The following SV2C variants were observed in gnomAD, a reference collection of about 807,000 sequenced individuals.
The protein encoded by SV2C is solute carrier family 22 member B3.
Under a neutral mutation model 79.7 loss-of-function variants are expected in SV2C, and 49 were observed. The ratio of observed to expected loss-of-function variants is 0.61; its 90% CI spans 0.49 to 0.78. SV2C has a LOEUF of 0.78. Among genes scored for constraint, SV2C ranks in the 30% least tolerant of loss-of-function variants. The probability of loss-of-function intolerance (pLI) is 0.00; values close to 1 mark genes in which losing one functional copy is unlikely to be tolerated. For missense variants in SV2C, 833 were observed against 912.9 expected, an observed-to-expected ratio of 0.91 and a Z score of 1.13; for synonymous variants, 334 against 333.2, an observed-to-expected ratio of 1.00 and a Z score of -0.03.
At chr5:76,137,518 A>T (rs1749107259) in intron 2 of SV2C, among the ~76,000 whole-genome samples, 1 of 152,138 alleles carries the variant, frequency 6.6e-6, no homozygotes, top group African/African-American at 2.4e-5. Flanking sequence ...AGAATGGCAG[A>T]TGTGAGATTC....
intron 1 of SV2C, among the ~76,000 whole-genome samples, chr5:76,099,941 C>G (rs1482758519): frequency 6.6e-6 from 1 of 152,166 alleles, no homozygotes; most frequent in Non-Finnish European, 1.5e-5. Flanking sequence ...GATGTAAATT[C>G]TGGCTCTTAT....
At chr5:76,245,910 G>A (rs911357064) in intron 4 of SV2C, among the ~76,000 whole-genome samples, 5 of 87,048 alleles carry the variant, frequency 5.7e-5, no homozygotes, top group Admixed American at 5.7e-4. Context: ...TGAGGCAGGG[G>A]AGTGTGTGTG....
intron 1 of SV2C, among the ~76,000 whole-genome samples, chr5:76,117,962 T>A (rs1748333710): frequency 6.6e-6 from 1 of 152,220 alleles, no homozygotes; most frequent in Non-Finnish European, 1.5e-5. Flanking sequence ...ACAACATATA[T>A]GACCAAAGAG....
chr5:76,048,987 G>GAA, the SV2C span, among the ~76,000 whole-genome samples: 7 of 80,196 alleles, frequency 8.7e-5, no homozygotes, highest in South Asian at 1.6e-3. Flanking sequence ...AAGAAAGAAA[G>GAA]AAAGAAAGAA....
At chr5:76,319,742 G>GAGAT in intron 12 of SV2C, among the ~76,000 whole-genome samples, 1 of 152,266 alleles carries the variant, frequency 6.6e-6, no homozygotes, top group East Asian at 1.9e-4. Context: ...GTGATACAAG[G>GAGAT]AGATAGCAGC....
At chr5:76,261,982 CT>C (rs1220777510) in intron 4 of SV2C, among the ~76,000 whole-genome samples, 4 of 152,076 alleles carry the variant, frequency 2.6e-5, no homozygotes, top group East Asian at 1.9e-4. Flanking sequence ...AGGAGTCCCT[CT>C]TTTTTTTATT....
the SV2C span, among the ~76,000 whole-genome samples, chr5:76,032,502 GT>G: frequency 6.6e-6 from 1 of 152,176 alleles, no homozygotes; most frequent in African/African-American, 2.4e-5. Context: ...GCGGTGTTGG[GT>G]TTTTTGTTCT....
chr5:76,183,660 G>T (rs191699365), intron 2 of SV2C, among the ~76,000 whole-genome samples: 46 of 152,042 alleles, frequency 3.0e-4, no homozygotes, highest in African/African-American at 1.0e-3. Flanking sequence ...TTTTCCTCCA[G>T]CCTTCTCTCT....
chr5:76,011,552 T>C, the SV2C span, among the ~76,000 whole-genome samples: 1 of 152,162 alleles, frequency 6.6e-6, no homozygotes, highest in East Asian at 1.9e-4. Flanking sequence ...TCCTTTATTA[T>C]TCTGAAGTCA....
At chr5:76,125,239 A>G (rs1748665299) in intron 1 of SV2C, among the ~76,000 whole-genome samples, 1 of 152,218 alleles carries the variant, frequency 6.6e-6, no homozygotes. Flanking sequence ...AAGTCTGTTT[A>G]AAAATCATAA....
intron 4 of SV2C, among the ~76,000 whole-genome samples, chr5:76,268,393 C>G (rs1383909561): frequency 6.6e-6 from 1 of 152,098 alleles, no homozygotes; most frequent in Non-Finnish European, 1.5e-5. Flanking sequence ...GCAGGAGCTT[C>G]GAGAGACCTG....
intron 2 of SV2C, among the ~76,000 whole-genome samples, chr5:76,173,114 C>A: frequency 7.0e-6 from 1 of 143,146 alleles, no homozygotes; most frequent in Non-Finnish European, 1.6e-5. Context: ...TTAATCAAAG[C>A]GCTTATTTTG....
At chr5:76,293,273 G>A (rs1747622106) in intron 8 of SV2C, among the ~76,000 whole-genome samples, 2 of 152,256 alleles carry the variant, frequency 1.3e-5, no homozygotes, top group South Asian at 4.1e-4. Context: ...ACCTAAGCAA[G>A]GGGTTAAAGA....
the SV2C span, chr5:75,910,555 C>T: frequency 1.5e-6 from 1 of 664,452 alleles, no homozygotes; most frequent in Non-Finnish European, 2.7e-6. Context: ...CTTTGGTTTA[C>T]TACTTCACCC....
chr5:75,853,574 AG>A, the SV2C span, among the ~76,000 whole-genome samples: 1 of 128,478 alleles, frequency 7.8e-6, no homozygotes, highest in African/African-American at 2.8e-5. Context: ...AAAAAAAAAA[AG>A]ACAGCCTGGG....
Position 76,291,872 on chromosome 5 carries a change from A to ATTCT in SV2C, c.1337+18_1337+21dup. ...TGTCCTTTGGGTAAGTGATATTTAA[A>ATTCT]TTCTTGGCAAGCAAAATCGTTCAAT... On this transcript the variant is annotated intron_variant, in intron 8 of 12. Transcript: ENST00000502798. The ATTCT allele has an allele frequency of 1.9e-6, 3 of 1,580,154 alleles. No homozygotes were observed. The highest frequency in any genetic ancestry group is 2.6e-6 in the Non-Finnish European group (3 of 1,154,116).
chr5:76,088,242 G>A (rs1747261636), intron 1 of SV2C, among the ~76,000 whole-genome samples: 1 of 152,156 alleles, frequency 6.6e-6, no homozygotes, highest in African/African-American at 2.4e-5. Context: ...AAAGTTATTA[G>A]AGAAAATATA....
At chr5:76,103,601 C>A (rs1351518534) in intron 1 of SV2C, among the ~76,000 whole-genome samples, 1 of 152,152 alleles carries the variant, frequency 6.6e-6, no homozygotes, top group Non-Finnish European at 1.5e-5. Flanking sequence ...GTTGTATGCT[C>A]TTATAGCAAT....
intron 1 of SV2C, among the ~76,000 whole-genome samples, chr5:76,092,208 A>G (rs1273484304): frequency 6.6e-6 from 1 of 152,174 alleles, no homozygotes; most frequent in Non-Finnish European, 1.5e-5. Context: ...ATTTTACTTT[A>G]TATATTTCTG....
Sources: allele counts gnomAD v4.1 joint callset (sites outside exome capture counted in the v4.1 genomes callset), GRCh38; gene constraint gnomAD v4.1.1; transcripts MANE v1.5; gene names NCBI Gene and HGNC (gene_info 2026-07-23, HGNC 2026-07-21).